The following NAV1 variants were observed in gnomAD, a reference collection of about 807,000 sequenced individuals.
The protein encoded by NAV1 is neuron navigator 1, also known as pore membrane and/or filament interacting like protein 3.
A neutral mutation model predicts 175.2 loss-of-function variants in NAV1; 18 were observed. The observed-to-expected ratio is 0.10, with a 90% CI of 0.07 to 0.15. NAV1 has a LOEUF of 0.15. Among genes scored for constraint, NAV1 ranks in the 10% least tolerant of loss-of-function variants. NAV1 has a pLI of 1.00. For synonymous variants in NAV1, 897 were observed against 978.7 expected, an observed-to-expected ratio of 0.92 and a Z score of 1.56; for missense variants, 1,731 against 2,436.6, an observed-to-expected ratio of 0.71 and a Z score of 6.10.
At position 201,787,949 on chromosome 1, in the gene NAV1, C is replaced by T. The variant is rs1217396376; in HGVS notation, c.2996-519C>T. ...AACCCAGTCACTCAGAGTGACACTACTTTGTGGGGAGATTCTCACGCCCTT... is the reference window on the plus strand; with the variant it reads ...AACCCAGTCACTCAGAGTGACACTATTTTGTGGGGAGATTCTCACGCCCTT... On this transcript the variant is annotated intron_variant, in intron 9 of 29. Transcript: ENST00000367296. This position sits in a 1 kb window ranked among gnomAD's most constrained non-coding sequence, Gnocchi z 4.3. Among the ~76,000 whole-genome samples the T allele has an allele frequency of 6.6e-6, 1 of 152,236 alleles. No individual in the cohort carries two copies. Among genetic ancestry groups the T allele is most frequent in the East Asian group, 1.9e-4 (1 of 5,196 alleles).
In NAV1 at chr1:201,694,257, G is replaced by A. The variant is rs1323842183; in HGVS notation, c.758-18560G>A. 6.6e-6 allele frequency among the ~76,000 whole-genome samples: 1 copy of A among 152,152 alleles called. No homozygotes were observed. The highest frequency in any genetic ancestry group is 1.5e-5 in the Non-Finnish European group (1 of 68,018). On this transcript the variant is annotated intron_variant, in intron 1 of 29. Transcript: ENST00000367296. The surrounding 1 kb of genome is among the most constrained non-coding windows in gnomAD (Gnocchi z 4.2). ...AGAACTCCCCCAGTTGGGGTGTAGA[G>A]GCATAGGGGAAGTCAAAGCAATGGC... is the stretch of plus-strand genomic sequence containing the variant.
chr1:201,729,133 T>C (rs968570619), intron 3 of NAV1, among the ~76,000 whole-genome samples: 1 of 152,206 alleles, frequency 6.6e-6, no homozygotes, highest in African/African-American at 2.4e-5. Context: ...ATTGTCAACC[T>C]TTTCCTTATG....
chr1:201,802,581 C>T (rs1678001500), intron 15 of NAV1, among the ~76,000 whole-genome samples: 6 of 151,404 alleles, frequency 4.0e-5, no homozygotes, highest in Admixed American at 3.9e-4. Context: ...AAGTTCAAGA[C>T]CAGCCTGGTC....
At chr1:201,572,844 G>A (rs189456596) in intron 1 of NAV1, among the ~76,000 whole-genome samples, 5 of 152,100 alleles carry the variant, frequency 3.3e-5, no homozygotes. Flanking sequence ...AGATGCCCTG[G>A]GGTAGGGGGT....
At chr1:201,716,199 C>G (rs951562024) in intron 2 of NAV1, among the ~76,000 whole-genome samples, 3 of 152,142 alleles carry the variant, frequency 2.0e-5, no homozygotes, top group African/African-American at 7.2e-5. Flanking sequence ...TCCCCGCCAC[C>G]CTCTTAGTAT....
chr1:201,817,052 A>G (rs751070905), intron 28 of NAV1, 36 bp from the exon 33 acceptor site: 1 of 1,599,448 alleles, frequency 6.3e-7, no homozygotes, highest in East Asian at 2.2e-5. Flanking sequence ...TAATCTGTTA[A>G]TTCCCCACAG....
At chr1:201,770,922 G>C (rs1014581844) in intron 3 of NAV1, among the ~76,000 whole-genome samples, 7 of 152,122 alleles carry the variant, frequency 4.6e-5, no homozygotes, top group African/African-American at 1.4e-4. Flanking sequence ...CAGCAGTACA[G>C]TACAGTACAG....
Position 201,782,956 on chromosome 1 carries a change from G to A in NAV1, c.2357+87G>A. On this transcript the variant is annotated intron_variant, in intron 6 of 29. Coordinates refer to ENST00000367296, the Ensembl canonical transcript of NAV1. This position sits in a 1 kb window ranked among gnomAD's most constrained non-coding sequence, Gnocchi z 5.4. ...GCCCTCCTTGGACTAGATGAGGCAT[G>A]GCCTATCCACCGTTGTCTCTAGGCC... 8.5e-7 allele frequency: 1 copy of A among 1,181,682 alleles called. No individual in the cohort carries two copies. 73.2% of individuals were successfully genotyped at this position (1,181,682 alleles called of 1,614,324 possible).
intron 3 of NAV1, among the ~76,000 whole-genome samples, chr1:201,759,577 C>G (rs2102628430): frequency 6.6e-6 from 1 of 152,316 alleles, no homozygotes; most frequent in South Asian, 2.1e-4. Flanking sequence ...ATGCAGGACA[C>G]TGCTGCATGC....
intron 15 of NAV1, among the ~76,000 whole-genome samples, chr1:201,802,305 CAAAAAAAAA>C (rs34854602): frequency 2.5e-5 from 1 of 40,038 alleles, no homozygotes; most frequent in Non-Finnish European, 4.2e-5. Flanking sequence ...AACACCTTCT[CAAAAAAAAA>C]AAAAAAAAAA....
chr1:201,624,182 T>C (rs987010024), intron 1 of NAV1, among the ~76,000 whole-genome samples: 6 of 152,170 alleles, frequency 3.9e-5, no homozygotes, highest in Admixed American at 1.3e-4. Flanking sequence ...TATCAGGAAT[T>C]AGTAATGCTT....
intron 24 of NAV1, among the ~76,000 whole-genome samples, 172 bp from the exon 29 acceptor site, chr1:201,811,431 C>A (rs890463273): frequency 6.6e-6 from 1 of 152,072 alleles, no homozygotes; most frequent in African/African-American, 2.4e-5. Context: ...TGCTTTAGAG[C>A]CTTTGCAACC....
chr1:201,567,435 T>TG (rs1218667578), intron 1 of NAV1, among the ~76,000 whole-genome samples: 1 of 152,184 alleles, frequency 6.6e-6, no homozygotes, highest in Admixed American at 6.5e-5. Context: ...AGAGCTGCAC[T>TG]GGGATGGAGT....
At chr1:201,586,015 C>T (rs1667016557) in intron 1 of NAV1, among the ~76,000 whole-genome samples, 2 of 152,316 alleles carry the variant, frequency 1.3e-5, no homozygotes, top group East Asian at 1.9e-4. Context: ...GATATTTGTA[C>T]ACTCATGTTC....
At chr1:201,802,456 T>C (rs1430658503) in intron 15 of NAV1, among the ~76,000 whole-genome samples, 2 of 18,896 alleles carry the variant, frequency 1.1e-4, no homozygotes, top group East Asian at 3.1e-3. Context: ...CCCTGTCTCA[T>C]TAAAAAAAAA....
intron 1 of NAV1, among the ~76,000 whole-genome samples, chr1:201,702,769 G>A (rs902006401): frequency 4.7e-5 from 7 of 147,608 alleles, no homozygotes; most frequent in Non-Finnish European, 5.9e-5. Context: ...TGGACTATGC[G>A]CTCTAGAGTC....
chr1:201,780,911 A>C, intron 4 of NAV1, 101 bp from the exon 9 acceptor site: 1 of 1,322,444 alleles, frequency 7.6e-7, no homozygotes, highest in Non-Finnish European at 1.0e-6. Context: ...TAATACTCTG[A>C]GATGAGCAGC....
intron 3 of NAV1, among the ~76,000 whole-genome samples, chr1:201,777,439 T>A (rs948820508): frequency 6.6e-6 from 1 of 152,146 alleles, no homozygotes; most frequent in African/African-American, 2.4e-5. Flanking sequence ...TCTGGATCCT[T>A]ATTAGAGCAT....
chr1:201,764,624 A>G (rs984345742), intron 3 of NAV1, among the ~76,000 whole-genome samples: 3 of 152,210 alleles, frequency 2.0e-5, no homozygotes, highest in Admixed American at 6.5e-5. Flanking sequence ...ATTCCATAAC[A>G]ATGGTCTAAA....
Sources: gnomAD v4.1 joint callset for allele counts (sites outside exome capture counted in the v4.1 genomes callset) on GRCh38, gnomAD v4.1.1 for gene constraint, Gnocchi (gnomAD v3.1) non-coding constraint, MANE v1.5 for transcripts, NCBI Gene and HGNC (gene_info 2026-07-23, HGNC 2026-07-21) for gene names.